The following BCOR variants were observed in gnomAD, a reference collection of about 807,000 sequenced individuals.
BCOR encodes the protein BCL-6 corepressor.
BCOR carries 10 observed loss-of-function variants against 86.7 expected under a neutral mutation model. The ratio of observed to expected loss-of-function variants is 0.12; its 90% CI spans 0.07 to 0.20. BCOR has a LOEUF of 0.20. BCOR is among the 10% of genes least tolerant of loss of function. BCOR has a pLI of 1.00. For synonymous variants in BCOR, 611 were observed against 609.0 expected, an observed-to-expected ratio of 1.00 and a Z score of -0.05; for missense variants, 1,259 against 1,452.1, an observed-to-expected ratio of 0.87 and a Z score of 2.16.
intron 1 of BCOR, 97 bp downstream of exon 1, chrX:40,097,118 A>AG (rs1372745883): frequency 1.8e-5 from 2 of 112,416 alleles, no homozygotes; most frequent in African/African-American, 6.5e-5. Flanking sequence ...ACGCTGCGGG[A>AG]GGGGGCCCCG....
At chrX:40,172,986 C>T (rs1254724754) in intron 1 of BCOR, among the ~76,000 whole-genome samples, 2 of 112,888 alleles carry the variant, frequency 1.8e-5, no homozygotes, top group African/African-American at 6.4e-5. Context: ...CTGACCCCTT[C>T]CTTGCCGCGG....
At chrX:40,065,293 A>G (rs1297937303) in intron 6 of BCOR, among the ~76,000 whole-genome samples, 1 of 112,349 alleles carries the variant, frequency 8.9e-6, no homozygotes, top group Non-Finnish European at 1.9e-5. Context: ...TAACACATAC[A>G]CGAGTTCAGA....
chrX:40,105,325 C>T (rs1272100394), intron 1 of BCOR, among the ~76,000 whole-genome samples: 1 of 111,450 alleles, frequency 9.0e-6, no homozygotes, highest in Non-Finnish European at 1.9e-5. Flanking sequence ...GGGTGCTCCT[C>T]GCGGCCGCCC....
chrX:40,064,051 AC>A, intron 7 of BCOR, 99 bp from the exon 8 acceptor site: 1 of 639,390 alleles, frequency 1.6e-6, no homozygotes, highest in East Asian at 3.7e-5. Flanking sequence ...GGGTGTGGTC[AC>A]TGGTCTCTGC....
chrX:40,138,806 T>C (rs1937746549), intron 1 of BCOR, among the ~76,000 whole-genome samples: 1 of 111,267 alleles, frequency 9.0e-6, no homozygotes, highest in Non-Finnish European at 1.9e-5. Context: ...CTGCTCGCCT[T>C]GGCCTCCCAA....
At chrX:40,156,746 G>GC (rs1348446604) in intron 1 of BCOR, among the ~76,000 whole-genome samples, 2 of 103,258 alleles carry the variant, frequency 1.9e-5, no homozygotes, top group African/African-American at 7.3e-5. Flanking sequence ...GCGCCCCGGG[G>GC]CCCCCCGCCG....
At chrX:40,102,864 G>A (rs747355770), upstream of BCOR, among the ~76,000 whole-genome samples, 2 of 113,348 alleles carry the variant, frequency 1.8e-5, no homozygotes, top group African/African-American at 3.2e-5. Flanking sequence ...CCCCAACAAA[G>A]TCGGTCACAG....
chrX:40,134,243 G>A (rs749469372), intron 1 of BCOR, among the ~76,000 whole-genome samples: 4 of 109,315 alleles, frequency 3.7e-5, no homozygotes, highest in Non-Finnish European at 7.6e-5. Flanking sequence ...AGGGGAAGAC[G>A]AGGACCAGAT....
rs1569148280 is a variant in BCOR at position 40,063,889 on chromosome X, C to G, written c.3566G>C (p.Ser1189Thr). Residue 1189 changes from serine (S) to threonine (T), a missense_variant, in exon 8 of 15, where the codon AGT becomes ACT. By Grantham distance (58) the Ser-to-Thr change is moderately conservative (BLOSUM62 1). Coordinates refer to ENST00000378444, the MANE Select transcript of BCOR (RefSeq NM_001123385.2). Reference sequence around the variant, plus strand: ...GCACACCTTCAGGTTGGTCAGCTCACTATAATGTGGGTCTTCTAAGTGGTT... The same window carrying G: ...GCACACCTTCAGGTTGGTCAGCTCAGTATAATGTGGGTCTTCTAAGTGGTT... ...SSNHLEDPHY[S>T]ELTNLKVCIE... 8.3e-7 allele frequency: 1 copy of G among 1,211,898 alleles called. No homozygotes were observed. Among genetic ancestry groups the G allele is most frequent in the Non-Finnish European group, 1.1e-6 (1 of 895,418 alleles).
chrX:40,129,357 G>T (rs1234147019), intron 1 of BCOR, among the ~76,000 whole-genome samples: 1 of 110,983 alleles, frequency 9.0e-6, no homozygotes, highest in Non-Finnish European at 1.9e-5. Context: ...GTTGGCACGT[G>T]CCTGTAGTCC....
At chrX:40,122,952 T>C (rs755956614) in intron 1 of BCOR, among the ~76,000 whole-genome samples, 1 of 111,398 alleles carries the variant, frequency 9.0e-6, no homozygotes, top group Admixed American at 9.6e-5. Flanking sequence ...CGGGACTGTT[T>C]GGAACTGCTT....
chrX:40,066,114 C>T (rs1421038802), intron 6 of BCOR, among the ~76,000 whole-genome samples: 1 of 111,633 alleles, frequency 9.0e-6, no homozygotes, highest in Non-Finnish European at 1.9e-5. Flanking sequence ...TCCTCACTCA[C>T]GACAGTGCAC....
In BCOR at chrX:40,075,049, C is replaced by A. The variant is rs200657720; in HGVS notation, c.297G>T (p.Glu99Asp). The stretch of plus-strand genomic sequence containing the variant: ...TGCTTGTGGCAGCCTCCCGACCTTT[C>A]TCTGAGCCCAGTCCACACAAGCTAG... ...VYSSLCGLGS[E>D]KGREAATSTL... The change falls in exon 4 of 15, where the codon GAG (glutamate) becomes GAT (aspartate). Residue 99 changes from glutamate to aspartate, a missense_variant. Physicochemically the swap from Glu to Asp is conservative, Grantham distance 45. Around this residue, in one of 7 missense-constraint regions of BCOR, gnomAD observed 174 missense variants for 189.3 expected, o/e 0.92. Coordinates refer to ENST00000378444, the MANE Select transcript of BCOR (RefSeq NM_001123385.2). 1 of 1,203,282 alleles carries A rather than the reference C, an allele frequency of 8.3e-7. No homozygotes were observed. The highest frequency in any genetic ancestry group is 3.0e-5 in the East Asian group (1 of 33,633).
intron 1 of BCOR, among the ~76,000 whole-genome samples, chrX:40,143,059 G>A (rs892287732): frequency 1.8e-5 from 2 of 112,359 alleles, no homozygotes; most frequent in East Asian, 2.8e-4. Flanking sequence ...CTGAGCTGCC[G>A]GCAGGTAGAG....
chrX:40,101,886 A>G (rs1016834011), upstream of BCOR, among the ~76,000 whole-genome samples: 7 of 112,386 alleles, frequency 6.2e-5, no homozygotes, highest in Middle Eastern at 4.2e-3. Context: ...CAGATAATGT[A>G]TTTTTACATA....
At chrX:40,052,568 TTTTTTTTTTTTTTG>T (rs1257781130) in intron 14 of BCOR, among the ~76,000 whole-genome samples, 168 bp from the exon 15 acceptor site, 3 of 59,579 alleles carry the variant, frequency 5.0e-5, no homozygotes, top group African/African-American at 1.5e-4. Flanking sequence ...TTTTTTTTTT[TTTTTTTTTTTTTTG>T]GAGACGGAAT....
chrX:40,070,951 C>A (rs772251315), intron 6 of BCOR, 22 bp downstream of exon 6: 3 of 1,205,559 alleles, frequency 2.5e-6, no homozygotes, highest in Admixed American at 2.2e-5. Flanking sequence ...CCAACACAAG[C>A]AAACTGCTCA....
Position 40,064,475 on chromosome X carries a change from G to A in BCOR, c.3363C>T (p.Ala1121=), listed in dbSNP as rs1167672370. 19 of 1,212,389 alleles carry A rather than the reference G, an allele frequency of 1.6e-5. No individual in the cohort carries two copies. The highest frequency in any genetic ancestry group is 2.1e-5 in the Non-Finnish European group (19 of 895,644). ...PVSEPPADQV[A]SDMPHSPTLR... is the part of the protein sequence containing the mutation. Reference sequence around the variant, plus strand: ...GGGTGGGGCTGTGAGGCATGTCCGAGGCCACCTGGTCTGCGGGAGGCTCGC... The same window carrying A: ...GGGTGGGGCTGTGAGGCATGTCCGAAGCCACCTGGTCTGCGGGAGGCTCGC... Residue 1121 remains alanine, a synonymous_variant, in exon 7 of 15, where the codon GCC becomes GCT. Coordinates refer to ENST00000378444, the MANE Select transcript of BCOR (RefSeq NM_001123385.2).
chrX:40,177,094 G>C (rs1938778074), exon 1 of BCOR: 1 of 110,329 alleles, frequency 9.1e-6, no homozygotes, highest in African/African-American at 3.3e-5. Context: ...ACTCCGCTCT[G>C]GGCTGGGGGG....
Sources: gnomAD v4.1 joint callset for allele counts (sites outside exome capture counted in the v4.1 genomes callset) on GRCh38, gnomAD v4.1.1 for gene constraint, gnomAD v4.1.1 regional missense constraint, MANE v1.5 for transcripts, NCBI Gene and HGNC (gene_info 2026-07-23, HGNC 2026-07-21) for gene names.